The following COMMD10 variants were observed in gnomAD, a reference collection of about 807,000 sequenced individuals.
The protein encoded by COMMD10 is COMM domain containing 10.
A neutral mutation model predicts 28.9 loss-of-function variants in COMMD10; 33 were observed. The ratio of observed to expected loss-of-function variants is 1.14; its 90% confidence interval spans 0.87 to 1.53. COMMD10 has a LOEUF of 1.53. Among genes scored for constraint, COMMD10 ranks in the 40% most tolerant of loss-of-function variants. The probability of loss-of-function intolerance (pLI) is 0.00; values close to 1 mark genes in which losing one functional copy is unlikely to be tolerated. For missense variants in COMMD10, 310 were observed against 233.4 expected (o/e 1.33, Z -2.14); for synonymous variants, 110 against 81.7 (o/e 1.35, Z -1.87).
intron 5 of COMMD10, among the ~76,000 whole-genome samples, chr5:116,173,838 G>A (rs916234585): frequency 8.4e-6 from 1 of 118,924 alleles, no homozygotes; most frequent in Non-Finnish European, 1.7e-5. Context: ...GTTTTGTTTT[G>A]TTTTGTTTTT....
chr5:116,236,190 G>T (rs917728478), intron 5 of COMMD10, among the ~76,000 whole-genome samples: 6 of 152,040 alleles, frequency 3.9e-5, no homozygotes, highest in African/African-American at 1.4e-4. Context: ...CCAGACAATG[G>T]AATATTATTC....
intron 5 of COMMD10, among the ~76,000 whole-genome samples, chr5:116,259,203 C>T (rs111979519): frequency 6.6e-6 from 1 of 151,162 alleles, no homozygotes; most frequent in Admixed American, 6.6e-5. Context: ...CCTGGGATTA[C>T]AGGTGCACGC....
chr5:116,145,894 C>G (rs1355643864), intron 5 of COMMD10, among the ~76,000 whole-genome samples: 1 of 151,940 alleles, frequency 6.6e-6, no homozygotes, highest in Non-Finnish European at 1.5e-5. Context: ...GCCTTCCCAG[C>G]CATGCTGAAC....
At chr5:116,136,376 T>A (rs529117875) in intron 5 of COMMD10, among the ~76,000 whole-genome samples, 4 of 152,338 alleles carry the variant, frequency 2.6e-5, no homozygotes, top group Non-Finnish European at 5.9e-5. Context: ...ACATTCCAAG[T>A]AGCTATATAC....
At chr5:116,171,151 T>C (rs530759427) in intron 5 of COMMD10, among the ~76,000 whole-genome samples, 259 of 150,814 alleles carry the variant, frequency 1.7e-3, no homozygotes, top group African/African-American at 5.9e-3. Context: ...GAAAACTGCA[T>C]CAAAAAATGG....
chr5:116,085,804 A>C (rs560967332), intron 1 of COMMD10, among the ~76,000 whole-genome samples: 20 of 152,220 alleles, frequency 1.3e-4, no homozygotes, highest in Non-Finnish European at 2.4e-4. Context: ...GTATATAGGC[A>C]AAATAGTGTT....
At chr5:116,284,451 G>C (rs1396303199) in intron 5 of COMMD10, among the ~76,000 whole-genome samples, 1 of 151,808 alleles carries the variant, frequency 6.6e-6, no homozygotes, top group Non-Finnish European at 1.5e-5. Flanking sequence ...ATAACTCACA[G>C]CTGTCGTTTA....
chr5:116,176,945 C>T (rs1295890840), intron 5 of COMMD10, among the ~76,000 whole-genome samples: 1 of 152,096 alleles, frequency 6.6e-6, no homozygotes, highest in East Asian at 1.9e-4. Context: ...GGAAGAGGGT[C>T]CTTCCCCAAA....
intron 5 of COMMD10, among the ~76,000 whole-genome samples, chr5:116,193,307 A>G (rs1055145134): frequency 9.9e-5 from 15 of 152,182 alleles, no homozygotes; most frequent in Admixed American, 8.5e-4. Flanking sequence ...ATGCAGTGGT[A>G]CCTCACATAT....
chr5:116,280,038 A>G (rs1751031420), intron 5 of COMMD10, among the ~76,000 whole-genome samples: 1 of 151,858 alleles, frequency 6.6e-6, no homozygotes, highest in Non-Finnish European at 1.5e-5. Flanking sequence ...CAGTAATGCA[A>G]TGGCAAGAAC....
intron 5 of COMMD10, among the ~76,000 whole-genome samples, chr5:116,136,110 A>G (rs1197200287): frequency 9.9e-5 from 15 of 152,174 alleles, no homozygotes; most frequent in Admixed American, 9.8e-4. Flanking sequence ...GTTTTAATTC[A>G]GAGCTCTCAC....
At chr5:116,183,148 G>A (rs972121134) in intron 5 of COMMD10, among the ~76,000 whole-genome samples, 6 of 152,248 alleles carry the variant, frequency 3.9e-5, no homozygotes, top group African/African-American at 1.4e-4. Context: ...GATTGTTGGT[G>A]AGAGAGGCCA....
intron 4 of COMMD10, among the ~76,000 whole-genome samples, chr5:116,123,470 C>T (rs1324563640): frequency 1.3e-5 from 2 of 152,146 alleles, no homozygotes; most frequent in African/African-American, 2.4e-5. Context: ...ATTCGGTTTG[C>T]CAGTATTTTA....
At chr5:116,131,484 C>CT (rs1751861446) in intron 4 of COMMD10, among the ~76,000 whole-genome samples, 1 of 151,890 alleles carries the variant, frequency 6.6e-6, no homozygotes, top group Admixed American at 6.6e-5. Flanking sequence ...GTCCTGCCTC[C>CT]TACCAAAGCC....
intron 4 of COMMD10, among the ~76,000 whole-genome samples, chr5:116,118,577 A>G (rs1384397793): frequency 1.3e-5 from 2 of 152,160 alleles, no homozygotes. Flanking sequence ...TGTATTTCCT[A>G]ATATTCTTTT....
chr5:116,214,632 T>C (rs756618550), intron 5 of COMMD10, among the ~76,000 whole-genome samples: 1 of 152,154 alleles, frequency 6.6e-6, no homozygotes, highest in Non-Finnish European at 1.5e-5. Context: ...TTAATATTTG[T>C]TAAATTGAAT....
intron 5 of COMMD10, among the ~76,000 whole-genome samples, chr5:116,249,946 G>C (rs946855610): frequency 3.3e-5 from 5 of 151,854 alleles, no homozygotes; most frequent in African/African-American, 1.2e-4. Context: ...TATTTGTTTA[G>C]TGGTATGTTT....
Position 116,097,859 on chromosome 5 carries a change from C to T in COMMD10, c.399+5159C>T, listed in dbSNP as rs116392210. Among the ~76,000 whole-genome samples, 424 of 152,052 alleles carry T rather than the reference C, an allele frequency of 2.8e-3. 2 individuals carry two copies. The highest frequency in any genetic ancestry group is 9.8e-3 in the African/African-American group (405 of 41,452). On this transcript the variant is annotated intron_variant, in intron 4 of 6. Coordinates refer to ENST00000274458, the MANE Select transcript of COMMD10 (RefSeq NM_016144.4). ...CATACTTTTGAACAAGCAGGTCTTG[C>T]GAGAACTCAACTATCACAAGAATAG...
chr5:116,172,665 T>G (rs1302327009), intron 5 of COMMD10, among the ~76,000 whole-genome samples: 1 of 152,148 alleles, frequency 6.6e-6, no homozygotes, highest in Admixed American at 6.6e-5. Flanking sequence ...AAAGTCATAC[T>G]CCAGGGTATC....
Sources: gnomAD v4.1 joint callset for allele counts (sites outside exome capture counted in the v4.1 genomes callset) on GRCh38, gnomAD v4.1.1 for gene constraint, MANE v1.5 for transcripts, NCBI Gene and HGNC (gene_info 2026-07-23, HGNC 2026-07-21) for gene names.